The following SLC35F5 variants were observed in gnomAD, a reference collection of about 807,000 sequenced individuals.
SLC35F5 encodes solute carrier family 35 member F5.
SLC35F5 carries 54 observed loss-of-function variants against 68.6 expected under a neutral mutation model. That is an observed-to-expected ratio of 0.79 (90% CI 0.63 to 0.99). SLC35F5 has a LOEUF of 0.99. Ranked by LOEUF, SLC35F5 falls within the 50% of genes least tolerant of loss-of-function variation. SLC35F5 has a pLI of 0.00. For missense variants in SLC35F5, 567 were observed against 626.9 expected (o/e 0.90, Z 1.02); for synonymous variants, 211 against 205.2 (o/e 1.03, Z -0.24).
intron 13 of SLC35F5, among the ~76,000 whole-genome samples, chr2:113,722,582 C>A (rs1687488663): frequency 6.6e-6 from 1 of 152,182 alleles, no homozygotes; most frequent in Non-Finnish European, 1.5e-5. Flanking sequence ...GCAGAAACAT[C>A]CCAGATTCTC....
rs975383240 is a variant in SLC35F5 at position 113,711,810 on chromosome 2, ATACT to A, written c.*3404_*3407del. 8.0e-4 allele frequency among the ~76,000 whole-genome samples: 122 copies of A among 152,354 alleles called. No individual in the cohort carries two copies. Among genetic ancestry groups the A allele is most frequent in the Middle Eastern group, 3.4e-3 (1 of 294 alleles). ...GTAGGTAGAAACGAAGATCATAACT[ATACT>A]TACTTAATATGAAAATGACATTTCA... On this transcript the variant is annotated 3_prime_UTR_variant, in exon 16 of 16. Transcript: ENST00000245680.
intron 1 of SLC35F5, 163 bp from the exon 2 acceptor site, chr2:113,755,707 C>A: frequency 9.9e-7 from 1 of 1,005,758 alleles, no homozygotes. Flanking sequence ...TCATGGTATC[C>A]ACTGCACGCT....
rs150682447 is a variant in SLC35F5, at chr2:113,721,447, T to C, written c.1341+1657A>G. 6.1e-3 allele frequency: 945 copies of C among 154,248 alleles called. 16 individuals are homozygous for C. Among genetic ancestry groups the C allele is most frequent in the African/African-American group, 0.022 (896 of 41,618 alleles). 9.6% of individuals were successfully genotyped at this position (154,248 alleles called of 1,614,324 possible). ...CGTTTTGTCTTTACCCTAAAATACT[T>C]TATTAAACAAATTATAACCATTATT... On this transcript the variant is annotated intron_variant, in intron 13 of 15. Coordinates refer to ENST00000245680, the MANE Select transcript of SLC35F5 (RefSeq NM_025181.5).
chr2:113,725,312 A>G, intron 12 of SLC35F5, 66 bp downstream of exon 12: 1 of 1,492,244 alleles, frequency 6.7e-7, no homozygotes, highest in East Asian at 2.3e-5. Flanking sequence ...AAACAGACAA[A>G]TATAAATGCT....
chr2:113,745,613 T>C (rs1157920230), intron 5 of SLC35F5, among the ~76,000 whole-genome samples: 10 of 152,148 alleles, frequency 6.6e-5, no homozygotes, highest in Admixed American at 2.6e-4. Flanking sequence ...AAAGTTAGAA[T>C]AAGCCATAAT....
At chr2:113,729,578 G>T in intron 10 of SLC35F5, 73 bp from the exon 11 acceptor site, 1 of 774,854 alleles carries the variant, frequency 1.3e-6, no homozygotes, top group Non-Finnish European at 2.2e-6. Context: ...CCAATAATGT[G>T]TCAGATAATA....
chr2:113,756,214 G>A (rs1420253592), intron 1 of SLC35F5, 156 bp downstream of exon 1: 2 of 1,505,786 alleles, frequency 1.3e-6, no homozygotes, highest in Non-Finnish European at 1.8e-6. Context: ...GGGCTCCGGC[G>A]CCCCTGTCAG....
rs565942480 is a variant in SLC35F5, at chr2:113,717,602, T to C, written c.*22+151A>G. 1.7e-5 allele frequency: 9 copies of C among 525,052 alleles called. No homozygotes were observed. The South Asian group carries it at 2.3e-4, about 13-fold the overall frequency. The allele number at this position is 525,052 out of a possible 1,614,324, so 32.5% of individuals were successfully genotyped here. The stretch of plus-strand genomic sequence containing the variant: ...CTTGCACAGGGCCACACAGCTAGTA[T>C]GTGGAGAAGACGGAACTGGAGTCCA... On this transcript the variant is annotated intron_variant, in intron 15 of 15. Transcript: ENST00000245680.
Position 113,723,165 on chromosome 2 carries a change from C to A in SLC35F5, c.1280G>T (p.Gly427Val). ...TATTGTAAGGCTTAGTGCAAGTGTG[C>A]CTATCAATGATGAGGTAAGAAAGCA... Reference protein sequence around the residue: ...WGCFLTSSLIGTLALSLTIPL... With the variant: ...WGCFLTSSLIVTLALSLTIPL... Residue 427 changes from glycine to valine, a missense_variant, in exon 13 of 16, where the codon GGC becomes GTC. By Grantham distance (109) the Gly-to-Val change is moderately radical. Transcript: ENST00000245680. 6.3e-7 allele frequency: 1 copy of A among 1,586,140 alleles called. No individual in the cohort carries two copies. Among genetic ancestry groups the A allele is most frequent in the Non-Finnish European group, 8.6e-7 (1 of 1,166,328 alleles).
rs201143429 is a variant in SLC35F5 at position 113,719,133 on chromosome 2, G to A, written c.1496+21C>T. The A allele has an allele frequency of 3.1e-4, 500 of 1,588,470 alleles. 3 individuals carry two copies. Among genetic ancestry groups the A allele is most frequent in the South Asian group, 1.8e-3 (156 of 85,580 alleles). On this transcript the variant is annotated intron_variant, in intron 14 of 15. Coordinates refer to ENST00000245680, the MANE Select transcript of SLC35F5 (RefSeq NM_025181.5). ...TCTAGCAAACACTATTTTTAAAAAT[G>A]TGTATTGGGACTAAACTTACCTCTG... is the stretch of plus-strand genomic sequence containing the variant.
At chr2:113,755,736 G>C in intron 1 of SLC35F5, 192 bp from the exon 2 acceptor site, 2 of 1,046,426 alleles carry the variant, frequency 1.9e-6, no homozygotes, top group Non-Finnish European at 2.9e-6. Flanking sequence ...TACTTAGAGA[G>C]ATACGCGATA....
chr2:113,756,322 T>A, intron 1 of SLC35F5, 48 bp downstream of exon 1: 2 of 1,554,454 alleles, frequency 1.3e-6, no homozygotes, highest in South Asian at 1.2e-5. Context: ...GGGCACTCCG[T>A]CCCGGTTTGG....
intron 12 of SLC35F5, among the ~76,000 whole-genome samples, chr2:113,724,996 T>C (rs188577433): frequency 6.6e-6 from 1 of 152,292 alleles, no homozygotes. Context: ...AAGCAGCATC[T>C]CCTGGATTCT....
chr2:113,721,388 T>G (rs1687428638), intron 13 of SLC35F5: 1 of 153,956 alleles, frequency 6.5e-6, no homozygotes, highest in Admixed American at 6.6e-5. Flanking sequence ...TTTGGTTATG[T>G]TTTTATAATT....
chr2:113,706,575 T>G (rs1686804508), downstream of SLC35F5, among the ~76,000 whole-genome samples: 1 of 152,332 alleles, frequency 6.6e-6, no homozygotes, highest in Admixed American at 6.5e-5. Flanking sequence ...AAATTTCACC[T>G]TTTGGCTTTA....
In SLC35F5 at chr2:113,721,968, T is replaced by C. The variant is rs112474557; in HGVS notation, c.1341+1136A>G. ...TAGAGCACTAAGCATATTTTGCTTT[T>C]ATCTTTTTTTTTTTTTTTTTTTTTG... On this transcript the variant is annotated intron_variant, in intron 13 of 15. Coordinates refer to ENST00000245680, the MANE Select transcript of SLC35F5 (RefSeq NM_025181.5). Among the ~76,000 whole-genome samples, 1,241 of 143,258 alleles carry C rather than the reference T, an allele frequency of 8.7e-3. 5 individuals carry two copies. Among genetic ancestry groups the C allele is most frequent in the Non-Finnish European group, 0.014 (903 of 65,500 alleles). 94.0% of individuals were successfully genotyped at this position (143,258 alleles called of 152,430 possible).
chr2:113,719,227 T>C lies in SLC35F5; in HGVS notation c.1423A>G (p.Asn475Asp), dbSNP rs1687327051. The C allele has an allele frequency of 2.5e-6, 4 of 1,607,198 alleles. No individual in the cohort carries two copies. Among genetic ancestry groups the C allele is most frequent in the East Asian group, 4.5e-5 (2 of 44,662 alleles). The part of the protein sequence containing the change: ...FFIVTLLCHY[N>D]NWDPVMVGIR... ...CCCACCATCACAGGATCCCAATTAT[T>C]ATAATGGCATAGGAGAGTTACAATA... is the stretch of plus-strand genomic sequence containing the variant. Residue 475 changes from asparagine to aspartate, a missense_variant, in exon 14 of 16, where the codon AAT becomes GAT. Asn to Asp is a conservative substitution (Grantham distance 23). Transcript: ENST00000245680.
At position 113,750,870 on chromosome 2, in the gene SLC35F5, C is replaced by T. The variant is rs1377252119; in HGVS notation, c.274-302G>A. Among the ~76,000 whole-genome samples the T allele has an allele frequency of 3.9e-5, 6 of 152,208 alleles. No homozygotes were observed. In the East Asian group the frequency reaches 5.8e-4, roughly 15 times the overall value. On this transcript the variant is annotated intron_variant, in intron 3 of 15. Transcript: ENST00000245680. ...TAAAGAAAAGTAAGACAGGGCCAGG[C>T]GCGGAGGCCCAAGCCAATAATCCCA...
chr2:113,743,319 A>C (rs1361251055), intron 6 of SLC35F5, among the ~76,000 whole-genome samples: 1 of 152,210 alleles, frequency 6.6e-6, no homozygotes, highest in Non-Finnish European at 1.5e-5. Context: ...TTAAGGATAA[A>C]TACTGCACCT....
Sources: allele counts gnomAD v4.1 joint callset (sites outside exome capture counted in the v4.1 genomes callset), GRCh38; gene constraint gnomAD v4.1.1; transcripts MANE v1.5; gene names NCBI Gene and HGNC (gene_info 2026-07-23, HGNC 2026-07-21).